Variants in SFMBT2 observed in about 807,000 individuals in gnomAD.
SFMBT2 encodes the protein Scm like with four mbt domains 2.
SFMBT2 carries 38 observed loss-of-function variants against 110.1 expected under a neutral mutation model. The ratio of observed to expected loss-of-function variants is 0.35; its 90% CI spans 0.27 to 0.45. The LOEUF (loss-of-function observed/expected upper bound fraction) is 0.45, where lower values mean the gene tolerates loss of function less well. Ranked by LOEUF, SFMBT2 falls within the 20% of genes least tolerant of loss-of-function variation. The pLI is 1.00. For missense variants in SFMBT2, 1,011 were observed against 1,094.9 expected, an observed-to-expected ratio of 0.92 and a Z score of 1.08; for synonymous variants, 425 against 425.4, an observed-to-expected ratio of 1.00 and a Z score of 0.01.
At position 7,348,084 on chromosome 10, in the gene SFMBT2, A is replaced by C. The variant is rs556177118; in HGVS notation, c.436+19565T>G. ...CTCCAAATAACAGTACACCCGGCAT[A>C]TAAATCATCATCATCCCTTCATCTC... On this transcript the variant is annotated intron_variant, in intron 4 of 20. Transcript: ENST00000397167. The C allele has an allele frequency of 9.6e-6, 4 of 414,772 alleles. No individual in the cohort carries two copies. In the South Asian group the frequency reaches 3.5e-4, roughly 36 times the overall value. 25.7% of individuals were successfully genotyped at this position (414,772 alleles called of 1,614,324 possible).
In SFMBT2 at chr10:7,367,815, C is replaced by T. The variant is rs138686940; in HGVS notation, c.270G>A (p.Thr90=). The T allele has an allele frequency of 1.9e-4, 306 of 1,614,188 alleles. 1 individual carries two copies. The African/African-American group carries it at 2.8e-3, about 15-fold the overall frequency. The change falls in exon 4 of 21, where the codon ACG becomes ACA. Residue 90 remains threonine (T), a synonymous_variant. Transcript: ENST00000397167. The surrounding 1 kb of genome is among the most constrained non-coding windows in gnomAD (Gnocchi z 6.2). ...LEVANKNNPD[T]YWVATIITTC... is the part of the protein sequence containing the mutation. Reference sequence around the variant, plus strand: ...TGGTAATGATCGTGGCCACCCAGTACGTGTCCGGGTTGTTCTTATTAGCCA... The same window carrying T: ...TGGTAATGATCGTGGCCACCCAGTATGTGTCCGGGTTGTTCTTATTAGCCA...
chr10:7,319,982 C>T (rs920637219), intron 4 of SFMBT2, among the ~76,000 whole-genome samples: 17 of 141,144 alleles, frequency 1.2e-4, no homozygotes, highest in African/African-American at 4.0e-4. Flanking sequence ...CAGAGAGACA[C>T]AGAGAGAGAG....
chr10:7,335,688 G>A (rs536504920), intron 4 of SFMBT2, among the ~76,000 whole-genome samples: 1 of 151,226 alleles, frequency 6.6e-6, no homozygotes, highest in Non-Finnish European at 1.5e-5. Context: ...CTGCTCTGTT[G>A]TATAGGATTG....
intron 4 of SFMBT2, among the ~76,000 whole-genome samples, chr10:7,292,707 A>G (rs1400310406): frequency 6.6e-6 from 1 of 152,194 alleles, no homozygotes; most frequent in Non-Finnish European, 1.5e-5. Context: ...AAGAAATAGT[A>G]TCATTTTGTT....
chr10:7,197,477 C>A, intron 15 of SFMBT2, 71 bp downstream of exon 15: 2 of 1,570,872 alleles, frequency 1.3e-6, no homozygotes, highest in Non-Finnish European at 1.7e-6. Context: ...TTCCCTCCTT[C>A]AGAAACTGAG....
chr10:7,208,686 C>A (rs1839230824), intron 11 of SFMBT2, among the ~76,000 whole-genome samples: 1 of 140,176 alleles, frequency 7.1e-6, no homozygotes, highest in African/African-American at 2.7e-5. Context: ...AATTCCATCT[C>A]AAAAAAAAAA....
chr10:7,359,541 G>A (rs938350298), intron 4 of SFMBT2, among the ~76,000 whole-genome samples: 3 of 152,206 alleles, frequency 2.0e-5, no homozygotes, highest in Non-Finnish European at 4.4e-5. Flanking sequence ...TGAGAAGCAG[G>A]AGAAAATAAA....
intron 4 of SFMBT2, among the ~76,000 whole-genome samples, chr10:7,364,336 C>A (rs80179023): frequency 4.9e-4 from 74 of 152,240 alleles, no homozygotes; most frequent in Non-Finnish European, 8.2e-4. Context: ...TTCCCTTTTT[C>A]CAGGGTGTTC....
Position 7,370,369 on chromosome 10 carries a change from CCTT to C in SFMBT2, c.104_106del (p.Glu35del), listed in dbSNP as rs1564462540. ...AAAGCCAGTTTCCTCCAAGCTTGAGCCTTCTTCTGTTGAAAAACAAAAGAACAG... is the reference window on the plus strand; with the variant it reads ...AAAGCCAGTTTCCTCCAAGCTTGAGCCTTCTGTTGAAAAACAAAAGAACAG... On this transcript the variant is annotated inframe_deletion, in exon 3 of 21. Coordinates refer to ENST00000397167, the MANE Select transcript of SFMBT2 (RefSeq NM_001387889.1). The C allele has an allele frequency of 6.2e-7, 1 of 1,614,010 alleles. No homozygotes were observed. The highest frequency in any genetic ancestry group is 1.1e-5 in the South Asian group (1 of 91,086).
intron 7 of SFMBT2, among the ~76,000 whole-genome samples, chr10:7,267,438 G>A (rs527980172): frequency 2.8e-4 from 43 of 152,282 alleles, no homozygotes; most frequent in Admixed American, 7.2e-4. Flanking sequence ...TTGGACTCAA[G>A]TGCAGTTGTC....
chr10:7,391,971 GC>G (rs1845779576), intron 1 of SFMBT2, among the ~76,000 whole-genome samples: 1 of 152,146 alleles, frequency 6.6e-6, no homozygotes, highest in African/African-American at 2.4e-5. Context: ...GCCCATTAAA[GC>G]TGTTTATATT....
chr10:7,364,032 A>C (rs969210794), intron 4 of SFMBT2, among the ~76,000 whole-genome samples: 8 of 152,176 alleles, frequency 5.3e-5, no homozygotes, highest in Non-Finnish European at 1.0e-4. Context: ...AGAAAAAAAA[A>C]CACACAAATA....
At chr10:7,197,923 C>A (rs746445813) in intron 14 of SFMBT2, 1 of 953,554 alleles carries the variant, frequency 1.0e-6, no homozygotes, top group Admixed American at 6.2e-5. Flanking sequence ...AGTTCCAAAT[C>A]GTGACAAAGC....
At chr10:7,240,225 T>A (rs1028258644) in intron 9 of SFMBT2, among the ~76,000 whole-genome samples, 5 of 152,158 alleles carry the variant, frequency 3.3e-5, no homozygotes, top group Non-Finnish European at 5.9e-5. Flanking sequence ...TACAAAAATA[T>A]AAGCAAACAC....
chr10:7,372,198 G>T (rs921984675), intron 2 of SFMBT2, among the ~76,000 whole-genome samples: 4 of 152,096 alleles, frequency 2.6e-5, no homozygotes, highest in African/African-American at 4.8e-5. Context: ...GATTACAGGC[G>T]TGAGCCGCCA....
intron 11 of SFMBT2, among the ~76,000 whole-genome samples, chr10:7,218,618 T>C (rs1254155391): frequency 6.6e-6 from 1 of 152,180 alleles, no homozygotes; most frequent in Non-Finnish European, 1.5e-5. Context: ...CACTACCCAA[T>C]GAAAACACTC....
At chr10:7,363,134 G>C (rs1353399722) in intron 4 of SFMBT2, among the ~76,000 whole-genome samples, 1 of 152,180 alleles carries the variant, frequency 6.6e-6, no homozygotes, top group Non-Finnish European at 1.5e-5. Flanking sequence ...GAGGGACCCA[G>C]TGGGTGGTAA....
intron 11 of SFMBT2, among the ~76,000 whole-genome samples, chr10:7,215,091 C>T (rs1839489162): frequency 6.6e-6 from 1 of 152,186 alleles, no homozygotes; most frequent in Non-Finnish European, 1.5e-5. Context: ...GTGTATGAAT[C>T]ATGATGAGGA....
chr10:7,225,329 C>T (rs1839867821), intron 10 of SFMBT2, among the ~76,000 whole-genome samples: 1 of 152,184 alleles, frequency 6.6e-6, no homozygotes, highest in Admixed American at 6.5e-5. Context: ...TGTTAAACAT[C>T]CCTGGGGAAA....
Sources: allele counts gnomAD v4.1 joint callset (sites outside exome capture counted in the v4.1 genomes callset), GRCh38; gene constraint gnomAD v4.1.1; non-coding constraint Gnocchi (gnomAD v3.1); transcripts MANE v1.5; gene names NCBI Gene and HGNC (gene_info 2026-07-23, HGNC 2026-07-21).